Variants in ZC3H12D observed in about 807,000 individuals in gnomAD.
ZC3H12D encodes probable ribonuclease ZC3H12D.
In ZC3H12D, 11 loss-of-function variants were observed where a neutral mutation model predicts 24.2. That is an observed-to-expected ratio of 0.46 (90% CI 0.29 to 0.75). The LOEUF is 0.75. Ranked by LOEUF, ZC3H12D falls within the 30% of genes least tolerant of loss-of-function variation. The pLI is 0.11. For synonymous variants in ZC3H12D, 333 were observed against 341.8 expected (o/e 0.97, Z 0.28); for missense variants, 740 against 767.7 (o/e 0.96, Z 0.43).
intron 3 of ZC3H12D, chr6:149,459,545 A>C: frequency 1.4e-6 from 1 of 716,502 alleles, no homozygotes; most frequent in South Asian, 1.5e-5. Flanking sequence ...ATTGCCCTGC[A>C]GTCTTGGAGC....
chr6:149,451,329 C>T lies in ZC3H12D; in HGVS notation c.938G>A (p.Gly313Asp), dbSNP rs1327445335. The change falls in exon 6 of 6, where the codon GGC becomes GAC. Residue 313 changes from glycine to aspartate, a missense_variant. Coordinates refer to ENST00000409806, the MANE Select transcript of ZC3H12D (RefSeq NM_207360.3). ...AEEQRPPRAP[G>D]GSAGARAAPR... ...GGCCGCCCGGGCTCCTGCGGAGCCG[C>T]CCGGGGCTCTCGGTGGCCGCTGCTC... 7.0e-6 allele frequency: 10 copies of T among 1,425,106 alleles called. No individual in the cohort carries two copies. The highest frequency in any genetic ancestry group is 5.1e-4 in the Middle Eastern group (2 of 3,916). The allele number at this position is 1,425,106 out of a possible 1,614,324, so 88.3% of individuals were successfully genotyped here. A position where few individuals can be genotyped will look rare whatever the true frequency, so the allele number is the denominator to read the frequency against.
In ZC3H12D at chr6:149,456,951, T is replaced by C. The variant is rs1583185089; in HGVS notation, c.446-51A>G. The C allele has an allele frequency of 1.9e-6, 3 of 1,551,710 alleles. No homozygotes were observed. Among genetic ancestry groups the C allele is most frequent in the East Asian group, 4.5e-5 (2 of 44,072 alleles). On this transcript the variant is annotated intron_variant, in intron 3 of 5. Coordinates refer to ENST00000409806, the MANE Select transcript of ZC3H12D (RefSeq NM_207360.3). The surrounding 1 kb of genome is among the most constrained non-coding windows in gnomAD (Gnocchi z 4.3). ...GGTGAGGGCCCAAGGGCACCGCCCC[T>C]GAGAACCACCCCCAACGCGAGGCCA... is the stretch of plus-strand genomic sequence containing the variant.
At chr6:149,462,721 G>GAATGAGCGGA (rs576052280) in intron 2 of ZC3H12D, among the ~76,000 whole-genome samples, 34 of 152,360 alleles carry the variant, frequency 2.2e-4, no homozygotes, top group African/African-American at 8.2e-4. Flanking sequence ...GAAGAAAGTA[G>GAATGAGCGGA]AATGAGCGGA....
chr6:149,474,404 G>A lies in ZC3H12D; in HGVS notation c.140C>T (p.Pro47Leu), dbSNP rs373967032. ...LQELIRTGSR[P>L]GALEHPAAPR... ...TGCAGCCGGGTGCTCCAGGGCACCCGGGCGGCTGCCCGTGCGGATAAGCTC... is the reference window on the plus strand; with the variant it reads ...TGCAGCCGGGTGCTCCAGGGCACCCAGGCGGCTGCCCGTGCGGATAAGCTC... The change falls in exon 2 of 6, where the codon CCG becomes CTG. Residue 47 changes from proline to leucine, a missense_variant. Coordinates refer to ENST00000409806, the MANE Select transcript of ZC3H12D (RefSeq NM_207360.3). The A allele has an allele frequency of 5.0e-6, 8 of 1,608,144 alleles. No individual in the cohort carries two copies. Among genetic ancestry groups the A allele is most frequent in the African/African-American group, 2.7e-5 (2 of 74,820 alleles).
At position 149,448,311 on chromosome 6, in the gene ZC3H12D, A is replaced by AT. The variant is rs1418353065; in HGVS notation, c.*2371dup. The AT allele has an allele frequency of 6.6e-6, 1 of 151,348 alleles. No individual in the cohort carries two copies. The highest frequency in any genetic ancestry group is 1.5e-5 in the Non-Finnish European group (1 of 67,918). 9.4% of individuals were successfully genotyped at this position (151,348 alleles called of 1,614,324 possible). On this transcript the variant is annotated 3_prime_UTR_variant, in exon 6 of 6. Coordinates refer to ENST00000409806, the MANE Select transcript of ZC3H12D (RefSeq NM_207360.3). ...CGTTTCAAAAATAATAATAATAAAA[A>AT]TTAAAATAAAAAAAATAAAGGCCCG...
rs943740246 is a variant in ZC3H12D, at chr6:149,447,570, A to G, written c.*3113T>C. ...CCACAATTTTTAACAGAACAGACCA[A>G]TCTAGGGGAAAGCCAGTAGGAGAAA... is the stretch of plus-strand genomic sequence containing the variant. On this transcript the variant is annotated 3_prime_UTR_variant, in exon 6 of 6. Coordinates refer to ENST00000409806, the MANE Select transcript of ZC3H12D (RefSeq NM_207360.3). The G allele has an allele frequency of 7.9e-5, 12 of 152,180 alleles. No individual in the cohort carries two copies. Among genetic ancestry groups the G allele is most frequent in the Non-Finnish European group, 1.0e-4 (7 of 68,010 alleles). 9.4% of individuals were successfully genotyped at this position (152,180 alleles called of 1,614,324 possible).
Position 149,456,729 on chromosome 6 carries a change from T to C in ZC3H12D, c.617A>G (p.Glu206Gly). The change falls in exon 4 of 6, where the codon GAG becomes GGG. Residue 206 changes from glutamate (E) to glycine (G), a missense_variant. By Grantham distance (98) the Glu-to-Gly change is moderately conservative. Transcript: ENST00000409806. The surrounding 1 kb of genome is among the most constrained non-coding windows in gnomAD (Gnocchi z 4.3). The part of the protein sequence containing the change: ...SNDNYRDLQS[E>G]NPEWKWFIEQ... Reference sequence around the variant, plus strand: ...GATGAACCACTTCCACTCGGGGTTCTCGCTCTGCAGGTCCCGGTAGTTGTC... The same window carrying C: ...GATGAACCACTTCCACTCGGGGTTCCCGCTCTGCAGGTCCCGGTAGTTGTC... The C allele has an allele frequency of 6.2e-7, 1 of 1,613,786 alleles. No individual in the cohort carries two copies. Among genetic ancestry groups the C allele is most frequent in the Non-Finnish European group, 8.5e-7 (1 of 1,179,766 alleles).
intron 3 of ZC3H12D, among the ~76,000 whole-genome samples, chr6:149,460,532 C>CA (rs1429460558): frequency 2.0e-5 from 3 of 152,054 alleles, no homozygotes; most frequent in Middle Eastern, 3.4e-3. Flanking sequence ...CCCATCTCTA[C>CA]AAAAAACAAA....
At chr6:149,459,674 T>C (rs1776041850) in intron 3 of ZC3H12D, 2 of 717,934 alleles carry the variant, frequency 2.8e-6, no homozygotes, top group Admixed American at 2.0e-5. Context: ...TTCCCATCCC[T>C]ATCCCTATAA....
intron 1 of ZC3H12D, among the ~76,000 whole-genome samples, chr6:149,482,222 T>C (rs1290345048): frequency 6.6e-6 from 1 of 152,246 alleles, no homozygotes; most frequent in Non-Finnish European, 1.5e-5. Context: ...TTTTTAAAAC[T>C]TCTAAATACG....
chr6:149,462,877 A>C (rs1172386918), intron 2 of ZC3H12D, among the ~76,000 whole-genome samples: 1 of 152,186 alleles, frequency 6.6e-6, no homozygotes, highest in Non-Finnish European at 1.5e-5. Context: ...CCACAGACTG[A>C]AGGCTGCACT....
chr6:149,451,118 G>T lies in ZC3H12D; in HGVS notation c.1149C>A (p.Gly383=). The T allele has an allele frequency of 7.4e-7, 1 of 1,347,094 alleles. No homozygotes were observed. 83.4% of individuals were successfully genotyped at this position (1,347,094 alleles called of 1,614,324 possible). Residue 383 remains glycine, a synonymous_variant, in exon 6 of 6, where the codon GGC becomes GGA. Transcript: ENST00000409806. ...LGGPDWVSAG[G]RVPGPLSLPS... is the part of the protein sequence containing the mutation. ...GGAGGCTGAGCGGGCCTGGCACCCG[G>T]CCGCCCGCGGACACCCAGTCGGGCC...
In ZC3H12D at chr6:149,450,942, C is replaced by T; in HGVS notation, c.1325G>A (p.Arg442His). ...PPDDPWARPP[R>H]SDRFPGRSVW... ...GGAGCGCCCAGGGAAGCGGTCGGAG[C>T]GGGGTGGACGGGCCCACGGGTCGTC... is the stretch of plus-strand genomic sequence containing the variant. The change falls in exon 6 of 6, where the codon CGC (arginine) becomes CAC (histidine). Residue 442 changes from arginine (R) to histidine (H), a missense_variant. Physicochemically the swap from Arg to His is conservative, Grantham distance 29 (BLOSUM62 0). Coordinates refer to ENST00000409806, the MANE Select transcript of ZC3H12D (RefSeq NM_207360.3). The T allele has an allele frequency of 6.5e-7, 1 of 1,536,880 alleles. No homozygotes were observed. Among genetic ancestry groups the T allele is most frequent in the Non-Finnish European group, 8.7e-7 (1 of 1,144,414 alleles).
At chr6:149,482,319 C>T (rs1776440424) in intron 1 of ZC3H12D, among the ~76,000 whole-genome samples, 1 of 152,276 alleles carries the variant, frequency 6.6e-6, no homozygotes, top group South Asian at 2.1e-4. Flanking sequence ...GTGATGGTCT[C>T]TGAGCTGCAG....
In ZC3H12D at chr6:149,452,506, G is replaced by T; in HGVS notation, c.787+110C>A. ...TAGCACAGCTGGAGGGCAGAACTTG[G>T]GCAAGAGCCCAGGCCGCTGAGCACC... On this transcript the variant is annotated intron_variant, in intron 5 of 5. Coordinates refer to ENST00000409806, the MANE Select transcript of ZC3H12D (RefSeq NM_207360.3). This position sits in a 1 kb window ranked among gnomAD's most constrained non-coding sequence, Gnocchi z 4.0. 2 of 923,052 alleles carry T rather than the reference G, an allele frequency of 2.2e-6. No individual in the cohort carries two copies. The highest frequency in any genetic ancestry group is 3.1e-6 in the Non-Finnish European group (2 of 651,872). The allele number at this position is 923,052 out of a possible 1,614,324, so 57.2% of individuals were successfully genotyped here.
chr6:149,456,315 T>C lies in ZC3H12D; in HGVS notation c.680+351A>G, dbSNP rs1352716491. Among the ~76,000 whole-genome samples the C allele has an allele frequency of 6.6e-6, 1 of 152,064 alleles. No homozygotes were observed. The highest frequency in any genetic ancestry group is 1.9e-4 in the East Asian group (1 of 5,194). On this transcript the variant is annotated intron_variant, in intron 4 of 5. Coordinates refer to ENST00000409806, the MANE Select transcript of ZC3H12D (RefSeq NM_207360.3). The surrounding 1 kb of genome is among the most constrained non-coding windows in gnomAD (Gnocchi z 4.3). ...AAAACCTGAAATAAGTGAAAAGCAA[T>C]ACAACAAAGTACAGATCTTTTCCAT...
intron 2 of ZC3H12D, among the ~76,000 whole-genome samples, chr6:149,463,183 A>C (rs961683424): frequency 1.1e-4 from 16 of 152,202 alleles, no homozygotes; most frequent in Admixed American, 2.6e-4. Flanking sequence ...TCTCACCCTG[A>C]GAGATGGTTG....
chr6:149,466,295 G>A (rs1241587457), intron 2 of ZC3H12D, among the ~76,000 whole-genome samples: 1 of 151,566 alleles, frequency 6.6e-6, no homozygotes, highest in African/African-American at 2.4e-5. Context: ...GGAGGGGGCG[G>A]AGAGGAACCA....
At chr6:149,482,171 A>G (rs1323037524) in intron 1 of ZC3H12D, among the ~76,000 whole-genome samples, 2 of 152,270 alleles carry the variant, frequency 1.3e-5, no homozygotes, top group African/African-American at 2.4e-5. Flanking sequence ...TCTACTTCAG[A>G]GGCTTTTTCT....
Sources: allele counts gnomAD v4.1 joint callset (sites outside exome capture counted in the v4.1 genomes callset), GRCh38; gene constraint gnomAD v4.1.1; non-coding constraint Gnocchi (gnomAD v3.1); transcripts MANE v1.5; gene names NCBI Gene and HGNC (gene_info 2026-07-23, HGNC 2026-07-21).